RTCB: variants seen among roughly 807,000 people sequenced by gnomAD.
RTCB encodes RNA-splicing ligase RTCB.
In RTCB, 32 loss-of-function variants were observed where a neutral mutation model predicts 58.2. The ratio of observed to expected loss-of-function variants is 0.55; its 90% CI spans 0.41 to 0.74. The LOEUF is 0.74. RTCB is among the 30% of genes least tolerant of loss of function. The pLI is 0.00. For synonymous variants in RTCB, 247 were observed against 218.6 expected, an observed-to-expected ratio of 1.13 and a Z score of -1.15; for missense variants, 523 against 639.0, an observed-to-expected ratio of 0.82 and a Z score of 1.96.
chr22:32,391,787 T>A (rs1347537752), intron 11 of RTCB, among the ~76,000 whole-genome samples: 1 of 152,246 alleles, frequency 6.6e-6, no homozygotes, highest in Non-Finnish European at 1.5e-5. Context: ...CATTAAGGAA[T>A]TATATTGCTT....
chr22:32,391,394 A>C (rs1371750262), intron 11 of RTCB, among the ~76,000 whole-genome samples: 1 of 148,962 alleles, frequency 6.7e-6, no homozygotes, highest in Non-Finnish European at 1.5e-5. Flanking sequence ...ACAATAAGTA[A>C]ATTTTTTTTT....
At position 32,401,742 on chromosome 22, in the gene RTCB, C is replaced by A; in HGVS notation, c.497+5G>T. 2 of 1,613,750 alleles carry A rather than the reference C, an allele frequency of 1.2e-6. No homozygotes were observed. The highest frequency in any genetic ancestry group is 1.7e-6 in the Non-Finnish European group (2 of 1,179,762). On this transcript the variant is annotated splice_donor_5th_base_variant and intron_variant, in intron 5 of 11. Transcript: ENST00000216038. ...ATACCATGTACTGGAAACGTGTGCTCTTACTTGGCATTCATTGGGATGACA... is the reference window on the plus strand; with the variant it reads ...ATACCATGTACTGGAAACGTGTGCTATTACTTGGCATTCATTGGGATGACA...
intron 1 of RTCB, among the ~76,000 whole-genome samples, chr22:32,410,722 C>CTTTT (rs5844994): frequency 6.8e-4 from 95 of 140,404 alleles, no homozygotes; most frequent in East Asian, 3.4e-3. Flanking sequence ...TTTTTCTTTT[C>CTTTT]TTTTTTTTTT....
At chr22:32,394,124 T>C (rs1310888772) in intron 9 of RTCB, 122 bp from the exon 10 acceptor site, 2 of 633,652 alleles carry the variant, frequency 3.2e-6, no homozygotes, top group African/African-American at 1.9e-5. Context: ...CTTTTTTTTT[T>C]TTTTGAGATG....
chr22:32,408,093 A>C, intron 3 of RTCB, 82 bp downstream of exon 3: 2 of 1,266,622 alleles, frequency 1.6e-6, no homozygotes, highest in Non-Finnish European at 2.3e-6. Context: ...TGTCTAAATG[A>C]CACCACTATC....
intron 1 of RTCB, 138 bp downstream of exon 1, chr22:32,411,926 G>T (rs1933532217): frequency 1.6e-6 from 1 of 639,144 alleles, no homozygotes; most frequent in Admixed American, 3.0e-5. Flanking sequence ...ACCGTGAGGG[G>T]AGAAGGACGG....
In RTCB at chr22:32,399,734, C is replaced by T; in HGVS notation, c.523G>A (p.Gly175Arg). The stretch of plus-strand genomic sequence containing the variant: ...CCTTCTCTTAAGGACCAGTCCACCC[C>T]CATCTCCAAGGCCTCCTCCAAGTCT... The part of the protein sequence containing the change: ...AKDLEEALEM[G>R]VDWSLREGYA... Residue 175 changes from glycine to arginine, a missense_variant, in exon 6 of 12, where the codon GGG becomes AGG. By Grantham distance (125) the Gly-to-Arg change is moderately radical (BLOSUM62 -2). Transcript: ENST00000216038. The T allele has an allele frequency of 6.2e-7, 1 of 1,613,886 alleles. No individual in the cohort carries two copies. The highest frequency in any genetic ancestry group is 1.1e-5 in the South Asian group (1 of 91,026).
intron 7 of RTCB, among the ~76,000 whole-genome samples, 200 bp downstream of exon 7, chr22:32,397,741 T>C (rs765172190): frequency 1.2e-4 from 19 of 152,378 alleles, no homozygotes; most frequent in Middle Eastern, 3.4e-3. Flanking sequence ...ATTATTAACT[T>C]TCCATGATAA....
chr22:32,392,119 TA>T (rs60418733), intron 11 of RTCB, 120 bp downstream of exon 11: 1,202 of 999,702 alleles, frequency 1.2e-3, no homozygotes, highest in South Asian at 1.4e-3. Context: ...ATTGAGGTCA[TA>T]AAAAAAAATA....
intron 10 of RTCB, 163 bp from the exon 11 acceptor site, chr22:32,392,522 C>G (rs1412936694): frequency 1.1e-6 from 1 of 939,444 alleles, no homozygotes; most frequent in Non-Finnish European, 1.7e-6. Flanking sequence ...GATTTTGGAC[C>G]GGAGAATTCT....
At chr22:32,399,851 G>A (rs772536182) in intron 5 of RTCB, 92 bp from the exon 6 acceptor site, 23 of 1,191,840 alleles carry the variant, frequency 1.9e-5, no homozygotes, top group Non-Finnish European at 2.2e-5. Flanking sequence ...AGAAAAACTC[G>A]ACATTTACTA....
In RTCB at chr22:32,408,004, C is replaced by T. The variant is rs1933457176; in HGVS notation, c.240+171G>A. ...TCCTGGGCTCATGCAATCCTTCCATCTTGGTCTCTCAAAGTGTTGCGGGTG... is the reference window on the plus strand; with the variant it reads ...TCCTGGGCTCATGCAATCCTTCCATTTTGGTCTCTCAAAGTGTTGCGGGTG... On this transcript the variant is annotated intron_variant, in intron 3 of 11. Transcript: ENST00000216038. 7 of 612,592 alleles carry T rather than the reference C, an allele frequency of 1.1e-5. No homozygotes were observed. In the South Asian group the frequency reaches 1.5e-4, roughly 13 times the overall value. 37.9% of individuals were successfully genotyped at this position (612,592 alleles called of 1,614,324 possible).
rs144922060 is a variant in RTCB at position 32,412,113 on chromosome 22, A to G, written c.44T>C (p.Ile15Thr). The G allele has an allele frequency of 3.1e-6, 5 of 1,609,462 alleles. No homozygotes were observed. Among genetic ancestry groups the G allele is most frequent in the Non-Finnish European group, 4.2e-6 (5 of 1,178,752 alleles). The change falls in exon 1 of 12, where the codon ATC (isoleucine) becomes ACC (threonine). Residue 15 changes from isoleucine (I) to threonine (T), a missense_variant. Physicochemically the swap from Ile to Thr is moderately conservative, Grantham distance 89. This residue lies in a region of RTCB where 134 missense variants were observed against 129.9 expected (regional missense o/e 1.03). Coordinates refer to ENST00000216038, the MANE Select transcript of RTCB (RefSeq NM_014306.5). Reference protein sequence around the residue: ...YNDELQFLEKINKNCWRIKKG... With the variant: ...YNDELQFLEKTNKNCWRIKKG... ...CTTGATCCTCCAGCAGTTTTTATTG[A>G]TCTTCTCCAAGAACTGCAGCTCATC...
rs539241853 is a variant in RTCB at position 32,387,651 on chromosome 22, TGAA to T, written c.*338_*340del. On this transcript the variant is annotated 3_prime_UTR_variant, in exon 12 of 12. Transcript: ENST00000216038. ...CTCGGAATGTAAACAGAGCTTGGTGTGAAGAAGATCAATCTGATGGCTAAAGAT... is the reference window on the plus strand; with the variant it reads ...CTCGGAATGTAAACAGAGCTTGGTGTGAAGATCAATCTGATGGCTAAAGAT... 1.2e-4 allele frequency: 29 copies of T among 232,114 alleles called. No homozygotes were observed. Among genetic ancestry groups the T allele is most frequent in the African/African-American group, 4.9e-4 (22 of 45,158 alleles). 14.4% of individuals were successfully genotyped at this position (232,114 alleles called of 1,614,324 possible).
intron 9 of RTCB, among the ~76,000 whole-genome samples, chr22:32,394,642 G>A (rs550061029): frequency 4.7e-4 from 72 of 152,148 alleles, no homozygotes; most frequent in Non-Finnish European, 8.8e-4. Flanking sequence ...TTTCTCATCT[G>A]TAAAAGGAGC....
At chr22:32,396,579 C>T (rs1050547401) in intron 7 of RTCB, among the ~76,000 whole-genome samples, 12 of 152,184 alleles carry the variant, frequency 7.9e-5, no homozygotes, top group Admixed American at 6.5e-4. Flanking sequence ...ATAGTAGTAG[C>T]AAAATACATT....
At chr22:32,400,174 G>C (rs1335456559) in intron 5 of RTCB, among the ~76,000 whole-genome samples, 1 of 152,064 alleles carries the variant, frequency 6.6e-6, no homozygotes, top group Non-Finnish European at 1.5e-5. Context: ...ATTCAACCAG[G>C]TACACACCTT....
chr22:32,411,982 G>C, intron 1 of RTCB, 82 bp downstream of exon 1: 2 of 1,018,280 alleles, frequency 2.0e-6, no homozygotes, highest in South Asian at 2.9e-5. Context: ...CAGTGGTCAG[G>C]GGAGGTCCAG....
At chr22:32,391,000 A>T (rs149475024) in intron 11 of RTCB, among the ~76,000 whole-genome samples, 1 of 152,118 alleles carries the variant, frequency 6.6e-6, no homozygotes, top group African/African-American at 2.4e-5. Flanking sequence ...ACACCTGGCT[A>T]ATCTTTGGCC....
Sources: allele counts gnomAD v4.1 joint callset (sites outside exome capture counted in the v4.1 genomes callset), GRCh38; gene constraint gnomAD v4.1.1; regional missense constraint gnomAD v4.1.1; transcripts MANE v1.5; gene names NCBI Gene and HGNC (gene_info 2026-07-23, HGNC 2026-07-21).